The following DCC variants were observed in gnomAD, a reference collection of about 807,000 sequenced individuals.
DCC encodes DCC netrin 1 receptor.
Under a neutral mutation model 172.5 loss-of-function variants are expected in DCC, and 58 were observed. The ratio of observed to expected loss-of-function variants is 0.34; its 90% CI spans 0.27 to 0.42. The LOEUF (loss-of-function observed/expected upper bound fraction) is 0.42, where lower values mean the gene tolerates loss of function less well. Among genes scored for constraint, DCC ranks in the 10% least tolerant of loss-of-function variants. The pLI is 1.00. For missense variants in DCC, 1,740 were observed against 1,791.0 expected, an observed-to-expected ratio of 0.97 and a Z score of 0.51; for synonymous variants, 709 against 644.5, an observed-to-expected ratio of 1.10 and a Z score of -1.52.
chr18:53,334,831 A>G (rs1433803043), intron 14 of DCC, among the ~76,000 whole-genome samples: 2 of 152,196 alleles, frequency 1.3e-5, no homozygotes, highest in Non-Finnish European at 2.9e-5. Flanking sequence ...AAATGCATTT[A>G]TACATTGGTG....
chr18:52,650,498 G>A (rs776938015), intron 1 of DCC, among the ~76,000 whole-genome samples: 38 of 152,116 alleles, frequency 2.5e-4, no homozygotes, highest in African/African-American at 8.0e-4. Context: ...TTAGCATGCC[G>A]TTTTTTCTGC....
At chr18:52,831,489 G>T (rs1186748318) in intron 2 of DCC, among the ~76,000 whole-genome samples, 1 of 152,150 alleles carries the variant, frequency 6.6e-6, no homozygotes, top group Non-Finnish European at 1.5e-5. Flanking sequence ...AAGGCTCAGA[G>T]AAGGGTGATG....
At chr18:52,878,658 T>C (rs183460468) in intron 2 of DCC, among the ~76,000 whole-genome samples, 1 of 152,220 alleles carries the variant, frequency 6.6e-6, no homozygotes, top group South Asian at 2.1e-4. Context: ...ACATGTTATT[T>C]TTACTTATTT....
chr18:52,951,291 A>T (rs1456968329), intron 5 of DCC, among the ~76,000 whole-genome samples: 5 of 152,084 alleles, frequency 3.3e-5, no homozygotes, highest in African/African-American at 1.2e-4. Flanking sequence ...TTAACTTTAA[A>T]ATCTGGAATG....
chr18:53,454,308 G>A (rs547176860), intron 23 of DCC, among the ~76,000 whole-genome samples: 2 of 152,298 alleles, frequency 1.3e-5, no homozygotes, highest in African/African-American at 2.4e-5. Flanking sequence ...TTGCATCACT[G>A]TACTCCGGCC....
In DCC at chr18:52,340,824, C is replaced by T; in HGVS notation, c.37C>T (p.Leu13=). The part of the protein sequence containing the change: ...NSLRCVWVPK[L]AFVLFGASLF... Reference sequence around the variant, plus strand: ...TCTTAGATGTGTTTGGGTACCCAAGCTGGCTTTTGTACTCTTCGGAGCTTC... The same window carrying T: ...TCTTAGATGTGTTTGGGTACCCAAGTTGGCTTTTGTACTCTTCGGAGCTTC... Residue 13 remains leucine (L), a synonymous_variant, in exon 1 of 29, where the codon CTG becomes TTG. Coordinates refer to ENST00000442544, the MANE Select transcript of DCC (RefSeq NM_005215.4). 1.9e-6 allele frequency: 3 copies of T among 1,614,138 alleles called. No individual in the cohort carries two copies.
At chr18:53,443,193 G>A (rs1023966576) in intron 22 of DCC, among the ~76,000 whole-genome samples, 20 of 152,306 alleles carry the variant, frequency 1.3e-4, no homozygotes, top group African/African-American at 4.8e-4. Flanking sequence ...CAGGTCAATA[G>A]TTGGCTTCAA....
chr18:53,022,512 T>G (rs1272423231), intron 5 of DCC, among the ~76,000 whole-genome samples: 1 of 149,796 alleles, frequency 6.7e-6, no homozygotes, highest in African/African-American at 2.5e-5. Context: ...TACATACATA[T>G]ATATGTTCAG....
chr18:52,685,235 T>A (rs1033305299), intron 1 of DCC, among the ~76,000 whole-genome samples: 24 of 152,258 alleles, frequency 1.6e-4, no homozygotes, highest in Admixed American at 1.4e-3. Context: ...TTTTGTTTCC[T>A]TCTTAGAATA....
chr18:52,497,632 G>T (rs952078862), intron 1 of DCC, among the ~76,000 whole-genome samples: 1 of 151,918 alleles, frequency 6.6e-6, no homozygotes, highest in Admixed American at 6.6e-5. Flanking sequence ...CAAGAGAATT[G>T]CTATTAGTAG....
At chr18:52,935,689 A>G (rs1362007329) in intron 5 of DCC, among the ~76,000 whole-genome samples, 2 of 152,110 alleles carry the variant, frequency 1.3e-5, no homozygotes, top group African/African-American at 2.4e-5. Context: ...TCTACCTCAG[A>G]CTTGGGTGTT....
intron 15 of DCC, among the ~76,000 whole-genome samples, chr18:53,384,889 G>T (rs933782898): frequency 4.0e-5 from 6 of 150,152 alleles, no homozygotes; most frequent in Admixed American, 3.3e-4. Flanking sequence ...GCTGTGTCGC[G>T]CAGGATGGAG....
At chr18:52,967,753 T>C (rs2040959129) in intron 5 of DCC, among the ~76,000 whole-genome samples, 1 of 152,184 alleles carries the variant, frequency 6.6e-6, no homozygotes, top group African/African-American at 2.4e-5. Flanking sequence ...CAAAAATATA[T>C]TCGGTATATT....
intron 7 of DCC, among the ~76,000 whole-genome samples, chr18:53,123,127 A>G (rs1312983068): frequency 6.6e-6 from 1 of 152,084 alleles, no homozygotes; most frequent in Non-Finnish European, 1.5e-5. Flanking sequence ...CATATGTCAT[A>G]ACAAGTTACT....
chr18:53,229,765 GA>G (rs142802427), intron 12 of DCC, among the ~76,000 whole-genome samples: 4 of 149,976 alleles, frequency 2.7e-5, no homozygotes, highest in Admixed American at 2.0e-4. Flanking sequence ...GACACCACAG[GA>G]AAAAAAAATG....
chr18:52,644,845 G>A (rs67992632), intron 1 of DCC, among the ~76,000 whole-genome samples: 46,762 of 144,622 alleles, frequency 0.32, 8,134 homozygotes, highest in East Asian at 0.5. Context: ...GGGAAGGAGG[G>A]AGGGAAGGAA....
chr18:52,956,998 C>A (rs2040755681), intron 5 of DCC, among the ~76,000 whole-genome samples: 1 of 151,962 alleles, frequency 6.6e-6, no homozygotes, highest in African/African-American at 2.4e-5. Context: ...ACTTCAGTGC[C>A]CTAGGATTGA....
intron 21 of DCC, among the ~76,000 whole-genome samples, 169 bp from the exon 22 acceptor site, chr18:53,434,975 A>G (rs1269095669): frequency 6.6e-6 from 1 of 152,148 alleles, no homozygotes; most frequent in African/African-American, 2.4e-5. Flanking sequence ...TTTCTCACAC[A>G]TGGAAAATAA....
chr18:52,645,222 G>A (rs2034996820), intron 1 of DCC, among the ~76,000 whole-genome samples: 1 of 152,096 alleles, frequency 6.6e-6, no homozygotes, highest in African/African-American at 2.4e-5. Flanking sequence ...TTATAACCTT[G>A]AGTAGTTCAT....
Sources: gnomAD v4.1 joint callset for allele counts (sites outside exome capture counted in the v4.1 genomes callset) on GRCh38, gnomAD v4.1.1 for gene constraint, MANE v1.5 for transcripts, NCBI Gene and HGNC (gene_info 2026-07-23, HGNC 2026-07-21) for gene names.